FYCO1: variants seen among roughly 807,000 people sequenced by gnomAD.
The protein encoded by FYCO1 is FYVE and coiled-coil domain-containing protein 1.
In FYCO1, 122 loss-of-function variants were observed where a neutral mutation model predicts 165.1. The ratio of observed to expected loss-of-function variants is 0.74; its 90% confidence interval spans 0.64 to 0.86. FYCO1 has a LOEUF of 0.86. Among genes scored for constraint, FYCO1 ranks in the 40% least tolerant of loss-of-function variants. The pLI is 0.00. For synonymous variants in FYCO1, 648 were observed against 742.5 expected, an observed-to-expected ratio of 0.87 and a Z score of 2.07; for missense variants, 1,702 against 1,810.3, an observed-to-expected ratio of 0.94 and a Z score of 1.09.
At chr3:45,928,605 A>G (rs1703434963) in intron 16 of FYCO1, among the ~76,000 whole-genome samples, 1 of 152,116 alleles carries the variant, frequency 6.6e-6, no homozygotes, top group African/African-American at 2.4e-5. Context: ...CTGCTGTGCT[A>G]TTCCATCCAC....
chr3:45,961,841 A>C (rs1001767840), intron 11 of FYCO1, among the ~76,000 whole-genome samples: 4 of 152,236 alleles, frequency 2.6e-5, no homozygotes, highest in Admixed American at 2.0e-4. Flanking sequence ...AGTTAAAATA[A>C]GTTTTGAATG....
rs34266136 is a variant in FYCO1, at chr3:45,967,040, C to T, written c.2294G>A (p.Arg765His). 1.6e-3 allele frequency: 2,533 copies of T among 1,613,492 alleles called. 47 individuals are homozygous for T. The African/African-American group carries it at 0.029, about 18-fold the overall frequency. Residue 765 changes from arginine to histidine, a missense_variant, in exon 8 of 18, where the codon CGT (arginine) becomes CAT (histidine). Coordinates refer to ENST00000296137, the MANE Select transcript of FYCO1 (RefSeq NM_024513.4). ...GVGPPTDNEA[R>H]ELAAQLALSQ... ...CAGGGCTAGCTGGGCAGCCAGCTCA[C>T]GGGCTTCATTGTCAGTGGGTGGGCC...
chr3:45,970,491 G>A (rs1233556006), intron 6 of FYCO1, among the ~76,000 whole-genome samples: 1 of 152,168 alleles, frequency 6.6e-6, no homozygotes, highest in Non-Finnish European at 1.5e-5. Context: ...CTGGAAAAAG[G>A]GAAACCAAAC....
chr3:45,965,775 C>T (rs1156844769), intron 8 of FYCO1, among the ~76,000 whole-genome samples: 2 of 152,146 alleles, frequency 1.3e-5, no homozygotes, highest in East Asian at 1.9e-4. Context: ...GTTTTAGAGG[C>T]CAAGTCAGGG....
At chr3:45,983,159 G>A (rs903483054) in intron 2 of FYCO1, among the ~76,000 whole-genome samples, 1 of 152,206 alleles carries the variant, frequency 6.6e-6, no homozygotes, top group Non-Finnish European at 1.5e-5. Flanking sequence ...GCAACTGTGC[G>A]TTGGAAAGGT....
At chr3:45,977,131 A>G (rs1437660072) in intron 4 of FYCO1, among the ~76,000 whole-genome samples, 1 of 152,066 alleles carries the variant, frequency 6.6e-6, no homozygotes, top group Non-Finnish European at 1.5e-5. Context: ...AGAGGTGAGC[A>G]AGGCATTGTA....
intron 14 of FYCO1, chr3:45,944,872 A>G (rs552770548): frequency 6.6e-6 from 1 of 152,206 alleles, no homozygotes; most frequent in Admixed American, 6.5e-5. Context: ...ATGATGAAAA[A>G]ATATGTTTTT....
Position 45,964,630 on chromosome 3 carries a change from G to T in FYCO1, c.3151-176C>A. The T allele has an allele frequency of 1.2e-6, 1 of 822,646 alleles. No homozygotes were observed. Among genetic ancestry groups the T allele is most frequent in the Non-Finnish European group, 1.5e-6 (1 of 681,246 alleles). The allele number at this position is 822,646 out of a possible 1,614,324, so 51.0% of individuals were successfully genotyped here. A position where few individuals can be genotyped will look rare whatever the true frequency, so the allele number is the denominator to read the frequency against. On this transcript the variant is annotated intron_variant, in intron 9 of 17. Transcript: ENST00000296137. This position sits in a 1 kb window ranked among gnomAD's most constrained non-coding sequence, Gnocchi z 4.1. ...GCTCTATATTTGTGGGGCCTCAACT[G>T]CAACTAGTTGTGGTGGTTGGCAAGT...
chr3:45,924,297 A>G (rs1703221276), intron 16 of FYCO1, among the ~76,000 whole-genome samples: 1 of 152,162 alleles, frequency 6.6e-6, no homozygotes. Flanking sequence ...CATGTGCCCC[A>G]GGACCCTTTC....
chr3:45,938,723 ACC>A (rs1234637632), intron 14 of FYCO1, among the ~76,000 whole-genome samples: 3 of 152,202 alleles, frequency 2.0e-5, no homozygotes, highest in African/African-American at 7.2e-5. Flanking sequence ...CAAACTCCTG[ACC>A]ACATGATTGG....
chr3:45,992,740 T>C lies in FYCO1; in HGVS notation c.-113+2982A>G, dbSNP rs1421199794. The stretch of plus-strand genomic sequence containing the variant: ...AGACATTCTCAGTGGCTGAGGCTTC[T>C]AAGTGTCCCCTCCCTGCTCCTGACC... On this transcript the variant is annotated intron_variant, in intron 1 of 17. Coordinates refer to ENST00000296137, the MANE Select transcript of FYCO1 (RefSeq NM_024513.4). Among the ~76,000 whole-genome samples, 3 of 152,158 alleles carry C rather than the reference T, an allele frequency of 2.0e-5. No homozygotes were observed. In the East Asian group the frequency reaches 5.8e-4, roughly 29 times the overall value.
chr3:45,961,947 A>G (rs1296618261), intron 11 of FYCO1, among the ~76,000 whole-genome samples: 1 of 152,208 alleles, frequency 6.6e-6, no homozygotes, highest in Non-Finnish European at 1.5e-5. Context: ...CTAGGCCAAG[A>G]CATATGGCAG....
intron 4 of FYCO1, among the ~76,000 whole-genome samples, 190 bp from the exon 5 acceptor site, chr3:45,975,535 G>C (rs1706711772): frequency 6.6e-6 from 1 of 152,196 alleles, no homozygotes; most frequent in Non-Finnish European, 1.5e-5. Flanking sequence ...CTTGAAGTGG[G>C]TGAACTACTT....
At chr3:45,983,103 T>C (rs540525986) in intron 2 of FYCO1, among the ~76,000 whole-genome samples, 1 of 152,322 alleles carries the variant, frequency 6.6e-6, no homozygotes, top group East Asian at 1.9e-4. Flanking sequence ...TTCAATAATC[T>C]TGAGAAGTGG....
chr3:45,967,755 G>T lies in FYCO1; in HGVS notation c.1579C>A (p.Gln527Lys). ...TGCTCCTCCAGGTCACTCACATGTT[G>T]GCTCACCTGTGCCAGCTGGGTCTCC... Reference protein sequence around the residue: ...FLETQLAQVSQHVSDLEEQKK... With the variant: ...FLETQLAQVSKHVSDLEEQKK... Residue 527 changes from glutamine to lysine, a missense_variant, in exon 8 of 18, where the codon CAA (glutamine) becomes AAA (lysine). Gln to Lys is a moderately conservative substitution (Grantham distance 53, BLOSUM62 1). Coordinates refer to ENST00000296137, the MANE Select transcript of FYCO1 (RefSeq NM_024513.4). The T allele has an allele frequency of 6.2e-7, 1 of 1,613,470 alleles. No individual in the cohort carries two copies. Among genetic ancestry groups the T allele is most frequent in the South Asian group, 1.1e-5 (1 of 91,084 alleles).
At chr3:45,946,940 G>A in intron 14 of FYCO1, 1 of 1,614,202 alleles carries the variant, frequency 6.2e-7, no homozygotes, top group Admixed American at 1.7e-5. Context: ...TCACCAGCTT[G>A]CTCATCTGGG....
rs948895111 is a variant in FYCO1 at position 45,993,769 on chromosome 3, C to T, written c.-113+1953G>A. On this transcript the variant is annotated intron_variant, in intron 1 of 17. Coordinates refer to ENST00000296137, the MANE Select transcript of FYCO1 (RefSeq NM_024513.4). This position sits in a 1 kb window ranked among gnomAD's most constrained non-coding sequence, Gnocchi z 4.4. ...AATCTAGGTGCCTACCAGTGATTTC[C>T]ACCATAAGACCACAGCTAGACAACA... 6.6e-6 allele frequency among the ~76,000 whole-genome samples: 1 copy of T among 152,106 alleles called. No individual in the cohort carries two copies. The highest frequency in any genetic ancestry group is 2.4e-5 in the African/African-American group (1 of 41,422).
Position 45,967,450 on chromosome 3 carries a change from CA to C in FYCO1, c.1883del (p.Val628GlyfsTer57). 6.2e-7 allele frequency: 1 copy of C among 1,613,668 alleles called. No homozygotes were observed. On this transcript the variant is annotated frameshift_variant, in exon 8 of 18. Coordinates refer to ENST00000296137, the MANE Select transcript of FYCO1 (RefSeq NM_024513.4). LOFTEE classifies it high-confidence loss of function. Reference sequence around the variant, plus strand: ...CCTCCAGGAGCTGGTTACGCCCGACCACATTCTGTAGCTCCTTCTCCAGCTC... The same window carrying C: ...CCTCCAGGAGCTGGTTACGCCCGACCCATTCTGTAGCTCCTTCTCCAGCTC... Reference protein sequence around the residue: ...NRELEKELQNVVGRNQLLEGK... With the variant: ...NRELEKELQNXVGRNQLLEGK...
chr3:45,923,749 G>A lies in FYCO1; in HGVS notation c.4268C>T (p.Thr1423Ile). The change falls in exon 17 of 18, where the codon ACC (threonine) becomes ATC (isoleucine). Residue 1423 changes from threonine (T) to isoleucine (I), a missense_variant. Thr to Ile is a moderately conservative substitution (Grantham distance 89). Transcript: ENST00000296137. ...GTTCTCCTTGTGGGAGTTGCATCGG[G>A]TCGTGGGAATGAGGACCTGGGAGGG... ...LDQCKVLIPT[T>I]RCNSHKENIQ... The A allele has an allele frequency of 1.2e-6, 2 of 1,613,982 alleles. No individual in the cohort carries two copies. The highest frequency in any genetic ancestry group is 2.2e-5 in the South Asian group (2 of 91,080).
Sources: allele counts gnomAD v4.1 joint callset (sites outside exome capture counted in the v4.1 genomes callset), GRCh38; gene constraint gnomAD v4.1.1; non-coding constraint Gnocchi (gnomAD v3.1); transcripts MANE v1.5; gene names NCBI Gene and HGNC (gene_info 2026-07-23, HGNC 2026-07-21).